Variants in SYTL3 observed in about 807,000 individuals in gnomAD.
SYTL3 encodes synaptotagmin-like protein 3.
Under a neutral mutation model 82.1 loss-of-function variants are expected in SYTL3, and 88 were observed. That is an observed-to-expected ratio of 1.07 (90% CI 0.90 to 1.28). The LOEUF (loss-of-function observed/expected upper bound fraction) is 1.28, where lower values mean the gene tolerates loss of function less well. Ranked by LOEUF, SYTL3 falls within the 50% of genes most tolerant of loss-of-function variation. The pLI, the probability that SYTL3 is intolerant of heterozygous loss-of-function variation, is 0.00. For synonymous variants in SYTL3, 311 were observed against 289.4 expected, an observed-to-expected ratio of 1.07 and a Z score of -0.76; for missense variants, 831 against 757.6, an observed-to-expected ratio of 1.10 and a Z score of -1.14.
chr6:158,729,040 G>A (rs757415651), intron 11 of SYTL3, among the ~76,000 whole-genome samples: 12 of 152,270 alleles, frequency 7.9e-5, no homozygotes, highest in East Asian at 3.9e-4. Flanking sequence ...GCGACAGAGC[G>A]AGACTCTGTC....
At chr6:158,758,037 T>G (rs1033392988) in intron 14 of SYTL3, among the ~76,000 whole-genome samples, 2 of 152,000 alleles carry the variant, frequency 1.3e-5, no homozygotes, top group African/African-American at 4.8e-5. Flanking sequence ...GGTTAGCATT[T>G]CTCGGAGACG....
At chr6:158,749,159 A>AG (rs2128521453) in intron 12 of SYTL3, among the ~76,000 whole-genome samples, 1 of 152,206 alleles carries the variant, frequency 6.6e-6, no homozygotes, top group East Asian at 1.9e-4. Flanking sequence ...CAGGAGGCAG[A>AG]GGTTGCAGTG....
At chr6:158,737,254 T>C (rs2128499131) in intron 11 of SYTL3, among the ~76,000 whole-genome samples, 1 of 152,240 alleles carries the variant, frequency 6.6e-6, no homozygotes, top group African/African-American at 2.4e-5. Flanking sequence ...CTCTGGAGGG[T>C]AAGATAATTG....
chr6:158,663,767 C>A, intron 4 of SYTL3: 3 of 232,662 alleles, frequency 1.3e-5, no homozygotes, highest in Non-Finnish European at 2.1e-5. Flanking sequence ...TTTGACGGTG[C>A]CGGGAGGTGT....
At chr6:158,722,614 T>C (rs1784236930) in intron 10 of SYTL3, among the ~76,000 whole-genome samples, 1 of 152,124 alleles carries the variant, frequency 6.6e-6, no homozygotes, top group South Asian at 2.1e-4. Context: ...TTATTGTATA[T>C]GTTATGAATG....
intron 15 of SYTL3, among the ~76,000 whole-genome samples, chr6:158,761,365 C>T (rs944074870): frequency 2.2e-5 from 3 of 137,654 alleles, no homozygotes; most frequent in Non-Finnish European, 3.1e-5. Context: ...TGCAGTGGCC[C>T]GATCTTGGCT....
At chr6:158,686,082 GC>G (rs1779265608) in intron 6 of SYTL3, among the ~76,000 whole-genome samples, 1 of 152,166 alleles carries the variant, frequency 6.6e-6, no homozygotes, top group Non-Finnish European at 1.5e-5. Context: ...GTGTGTTTGT[GC>G]ACACACGTTA....
At chr6:158,715,152 C>G (rs1289179440) in intron 9 of SYTL3, among the ~76,000 whole-genome samples, 1 of 152,146 alleles carries the variant, frequency 6.6e-6, no homozygotes, top group Non-Finnish European at 1.5e-5. Flanking sequence ...TCCCACCCAC[C>G]CCCTTGTATT....
intron 2 of SYTL3, among the ~76,000 whole-genome samples, chr6:158,658,038 G>A (rs909383141): frequency 2.0e-5 from 3 of 151,878 alleles, no homozygotes; most frequent in East Asian, 1.9e-4. Context: ...GACTACAGGC[G>A]CCTGCCACAA....
chr6:158,657,362 G>T (rs1258719302), intron 2 of SYTL3, among the ~76,000 whole-genome samples: 1 of 148,336 alleles, frequency 6.7e-6, no homozygotes, highest in Non-Finnish European at 1.5e-5. Context: ...GGAGGTAGAG[G>T]TTGTAGTGAG....
intron 6 of SYTL3, among the ~76,000 whole-genome samples, chr6:158,685,703 A>G (rs1418885528): frequency 6.6e-6 from 1 of 151,984 alleles, no homozygotes; most frequent in African/African-American, 2.4e-5. Context: ...CTGTAATCCC[A>G]GCTACTCGGG....
At chr6:158,697,113 T>G (rs9295083) in intron 6 of SYTL3, among the ~76,000 whole-genome samples, 99,308 of 151,050 alleles carry the variant, frequency 0.66, 34,915 homozygotes, top group African/African-American at 0.91. Flanking sequence ...ATGCATCAAA[T>G]ACCTAAAGAT....
At chr6:158,747,236 C>A (rs529867388) in intron 12 of SYTL3, among the ~76,000 whole-genome samples, 91 of 152,386 alleles carry the variant, frequency 6.0e-4, no homozygotes, top group African/African-American at 2.2e-3. Context: ...ATCCACCCGC[C>A]TTGGCCTCCC....
chr6:158,645,904 ACGG>A (rs1787415982), upstream of SYTL3, among the ~76,000 whole-genome samples: 1 of 152,122 alleles, frequency 6.6e-6, no homozygotes, highest in African/African-American at 2.4e-5. Flanking sequence ...TTCTGTGACC[ACGG>A]CATCTAAGGT....
At chr6:158,676,375 C>A (rs1452823578) in intron 5 of SYTL3, among the ~76,000 whole-genome samples, 1 of 152,092 alleles carries the variant, frequency 6.6e-6, no homozygotes, top group Non-Finnish European at 1.5e-5. Context: ...AAACTGGATC[C>A]CTTCCTTACA....
At chr6:158,657,445 A>AAAAAG (rs1318248057) in intron 2 of SYTL3, among the ~76,000 whole-genome samples, 2 of 150,366 alleles carry the variant, frequency 1.3e-5, no homozygotes, top group Non-Finnish European at 3.0e-5. Flanking sequence ...AAAAAAAAAA[A>AAAAAG]AGAGAGAAAA....
intron 9 of SYTL3, among the ~76,000 whole-genome samples, chr6:158,714,255 G>A (rs1562412281): frequency 6.6e-6 from 1 of 152,164 alleles, no homozygotes; most frequent in Non-Finnish European, 1.5e-5. Context: ...GGGAAGCTGA[G>A]GCAGGAGAAT....
chr6:158,678,530 T>G (rs2128399122), intron 5 of SYTL3, among the ~76,000 whole-genome samples: 1 of 152,352 alleles, frequency 6.6e-6, no homozygotes, highest in Middle Eastern at 3.4e-3. Context: ...AGTCCTCCAT[T>G]CATCTTATTG....
chr6:158,724,364 A>T (rs1217137439), intron 10 of SYTL3, among the ~76,000 whole-genome samples: 2 of 152,240 alleles, frequency 1.3e-5, no homozygotes, highest in East Asian at 3.8e-4. Flanking sequence ...GTTCTATCAT[A>T]TTCTCACTTA....
Sources: gnomAD v4.1 joint callset for allele counts (sites outside exome capture counted in the v4.1 genomes callset) on GRCh38, gnomAD v4.1.1 for gene constraint, MANE v1.5 for transcripts, NCBI Gene and HGNC (gene_info 2026-07-23, HGNC 2026-07-21) for gene names.